OVCH1: variants seen among roughly 807,000 people sequenced by gnomAD.
OVCH1 encodes the protein ovochymase 1.
OVCH1 carries 139 observed loss-of-function variants against 138.4 expected under a neutral mutation model. The ratio of observed to expected loss-of-function variants is 1.00; its 90% CI spans 0.87 to 1.16. The LOEUF is 1.16. Among genes scored for constraint, OVCH1 ranks in the 50% most tolerant of loss-of-function variants. OVCH1 has a pLI of 0.00. For synonymous variants in OVCH1, 453 were observed against 467.8 expected, an observed-to-expected ratio of 0.97 and a Z score of 0.41; for missense variants, 1,367 against 1,357.9, an observed-to-expected ratio of 1.01 and a Z score of -0.11.
exon 13 of OVCH1, chr12:29,476,206 C>G (rs759716879): frequency 1.9e-6 from 3 of 1,609,632 alleles, no homozygotes; most frequent in African/African-American, 1.3e-5. Flanking sequence ...GTCTACCTAC[C>G]TAACTTGTGC....
chr12:29,450,427 G>A (rs926066748), intron 22 of OVCH1, among the ~76,000 whole-genome samples: 4 of 151,998 alleles, frequency 2.6e-5, no homozygotes, highest in South Asian at 2.1e-4. Flanking sequence ...GCTCAACATC[G>A]CTAGTCATTA....
At chr12:29,416,226 G>A (rs1038050744) in intron 3 of OVCH1, among the ~76,000 whole-genome samples, 4 of 151,788 alleles carry the variant, frequency 2.6e-5, no homozygotes, top group African/African-American at 9.7e-5. Context: ...CTTTTAGGAA[G>A]AGCAAAGGAA....
intron 13 of OVCH1, 46 bp downstream of exon 13, chr12:29,476,160 C>G (rs779721203): frequency 2.0e-6 from 3 of 1,502,650 alleles, no homozygotes; most frequent in Admixed American, 1.7e-5. Flanking sequence ...TGCCACTACT[C>G]TGATTCGTCT....
At chr12:29,486,371 G>C in intron 7 of OVCH1, 23 bp from the exon 8 acceptor site, 7 of 1,506,820 alleles carry the variant, frequency 4.6e-6, no homozygotes, top group Non-Finnish European at 5.5e-6. Flanking sequence ...TAAGGAGTTA[G>C]TGCCTTTCCC....
At chr12:29,427,097 C>A (rs1375266179), downstream of OVCH1, among the ~76,000 whole-genome samples, 4 of 152,188 alleles carry the variant, frequency 2.6e-5, no homozygotes, top group East Asian at 7.7e-4. Flanking sequence ...ACTATCATAG[C>A]CTGAGCTGCA....
chr12:29,497,585 C>A (rs1312277559), intron 1 of OVCH1, 38 bp downstream of exon 1: 1 of 1,611,022 alleles, frequency 6.2e-7, no homozygotes, highest in African/African-American at 1.3e-5. Context: ...CACGCTCAGC[C>A]TCCTCCGCAG....
intron 4 of OVCH1, among the ~76,000 whole-genome samples, chr12:29,493,524 G>A (rs1306846676): frequency 2.0e-5 from 3 of 152,048 alleles, no homozygotes; most frequent in Non-Finnish European, 4.4e-5. Context: ...CAAATTGGAT[G>A]TTTACTACAC....
downstream of OVCH1, among the ~76,000 whole-genome samples, chr12:29,407,853 A>G (rs1318026502): frequency 6.6e-6 from 1 of 151,144 alleles, no homozygotes; most frequent in African/African-American, 2.4e-5. Flanking sequence ...GAAAGTCATT[A>G]GTAGCTTGAT....
chr12:29,465,910 C>T (rs376570495), intron 16 of OVCH1, among the ~76,000 whole-genome samples: 16 of 152,020 alleles, frequency 1.1e-4, no homozygotes, highest in African/African-American at 3.6e-4. Flanking sequence ...TGGAATACTA[C>T]ACAGCCATAA....
At chr12:29,487,142 G>C (rs1168496974) in intron 7 of OVCH1, 1 of 231,694 alleles carries the variant, frequency 4.3e-6, no homozygotes, top group African/African-American at 2.3e-5. Context: ...AAAAATGTGT[G>C]GTTTCTGCAT....
chr12:29,488,015 T>C (rs2136076695), intron 6 of OVCH1, 133 bp from the exon 7 acceptor site: 1 of 828,316 alleles, frequency 1.2e-6, no homozygotes, highest in East Asian at 2.8e-5. Context: ...TCATCGTCCA[T>C]CAGCTTTTTG....
Position 29,464,593 on chromosome 12 carries a change from A to AC in OVCH1, c.2038dup (p.Val680GlyfsTer51). On this transcript the variant is annotated frameshift_variant, in exon 18 of 28. Coordinates refer to ENST00000318184, the Ensembl canonical transcript of OVCH1. LOFTEE classifies it high-confidence loss of function. Reference sequence around the variant, plus strand: ...GCTGTGTGGGAGACATACTGGCCTCACCACCGAGTTGTACTCCAGAGGAGA... The same window carrying AC: ...GCTGTGTGGGAGACATACTGGCCTCACCCACCGAGTTGTACTCCAGAGGAGA... The AC allele has an allele frequency of 6.2e-7, 1 of 1,613,644 alleles. No homozygotes were observed. The highest frequency in any genetic ancestry group is 8.5e-7 in the Non-Finnish European group (1 of 1,179,726).
At chr12:29,409,365 G>T (rs1309220065), downstream of OVCH1, among the ~76,000 whole-genome samples, 1 of 151,930 alleles carries the variant, frequency 6.6e-6, no homozygotes, top group Non-Finnish European at 1.5e-5. Context: ...GAATGTATTT[G>T]CTCTTACTTT....
At chr12:29,445,295 A>G (rs777622222) in exon 23 of OVCH1, 1 of 1,611,652 alleles carries the variant, frequency 6.2e-7, no homozygotes. Flanking sequence ...TTTCAAGACA[A>G]TATAGCTTAT....
intron 8 of OVCH1, among the ~76,000 whole-genome samples, chr12:29,485,384 C>T (rs1197949178): frequency 1.3e-5 from 2 of 150,708 alleles, no homozygotes; most frequent in South Asian, 4.2e-4. Context: ...CCTGTAATCC[C>T]AGCACCAGCA....
intron 19 of OVCH1, among the ~76,000 whole-genome samples, chr12:29,457,155 A>G (rs1941975633): frequency 6.6e-6 from 1 of 152,184 alleles, no homozygotes; most frequent in Non-Finnish European, 1.5e-5. Flanking sequence ...TCACATAACA[A>G]TTATACTTAA....
intron 18 of OVCH1, 130 bp downstream of exon 18, chr12:29,464,377 T>C (rs1942242191): frequency 9.5e-7 from 1 of 1,053,466 alleles, no homozygotes; most frequent in Non-Finnish European, 1.4e-6. Flanking sequence ...CTGTTACAGC[T>C]AAATAAAACA....
chr12:29,455,274 C>T (rs1221709557), exon 20 of OVCH1: 1 of 1,613,316 alleles, frequency 6.2e-7, no homozygotes, highest in South Asian at 1.1e-5. Flanking sequence ...GGATCCAGTC[C>T]AAGAAGATCA....
intron 27 of OVCH1, among the ~76,000 whole-genome samples, chr12:29,433,273 G>T (rs781607975): frequency 1.5e-4 from 23 of 152,114 alleles, no homozygotes; most frequent in African/African-American, 5.3e-4. Flanking sequence ...AATCATGGGG[G>T]TGGGCTTTTC....
Sources: allele counts gnomAD v4.1 joint callset (sites outside exome capture counted in the v4.1 genomes callset), GRCh38; gene constraint gnomAD v4.1.1; transcripts MANE v1.5; gene names NCBI Gene and HGNC (gene_info 2026-07-23, HGNC 2026-07-21).